Variants in MACF1 observed in about 807,000 individuals in gnomAD.
The protein encoded by MACF1 is microtubule-actin cross-linking factor 1.
A neutral mutation model predicts 854.8 loss-of-function variants in MACF1; 193 were observed. The ratio of observed to expected loss-of-function variants is 0.23; its 90% confidence interval spans 0.20 to 0.25. The LOEUF is 0.25. Ranked by LOEUF, MACF1 falls within the 10% of genes least tolerant of loss-of-function variation. The pLI, the probability that MACF1 is intolerant of heterozygous loss-of-function variation, is 1.00. For synonymous variants in MACF1, 3,185 were observed against 3,226.7 expected (o/e 0.99, Z 0.44); for missense variants, 7,722 against 8,929.1 (o/e 0.86, Z 5.45).
In MACF1 at chr1:39,335,856, T is replaced by C; in HGVS notation, c.9268T>C (p.Ser3090Pro). The C allele has an allele frequency of 6.2e-7, 1 of 1,614,046 alleles. No individual in the cohort carries two copies. Among genetic ancestry groups the C allele is most frequent in the Non-Finnish European group, 8.5e-7 (1 of 1,180,004 alleles). ...CLTLKPEENL[S>P]REIACGAQSE... The stretch of plus-strand genomic sequence containing the variant: ...GACTTTAAAACCAGAAGAAAACTTA[T>C]CTCGAGAAATTGCCTGTGGGGCCCA... Residue 3090 changes from serine to proline, a missense_variant, in exon 37 of 101, where the codon TCT becomes CCT. Ser to Pro is a moderately conservative substitution (Grantham distance 74, BLOSUM62 -1). Coordinates refer to ENST00000564288, the MANE Select transcript of MACF1 (RefSeq NM_001394062.1).
At chr1:39,235,823 C>T (rs1224781508) in intron 2 of MACF1, among the ~76,000 whole-genome samples, 1 of 152,200 alleles carries the variant, frequency 6.6e-6, no homozygotes. Flanking sequence ...CAGCCTCCAA[C>T]TCCCGGGCTC....
chr1:39,174,822 A>G (rs1644003321), intron 2 of MACF1, among the ~76,000 whole-genome samples: 2 of 152,232 alleles, frequency 1.3e-5, no homozygotes, highest in African/African-American at 2.4e-5. Flanking sequence ...TAGTAGGAAA[A>G]GGGGAAACCC....
Position 39,460,708 on chromosome 1 carries a change from G to A in MACF1, c.21437G>A (p.Arg7146Gln). The stretch of plus-strand genomic sequence containing the variant: ...CGTTGGATGAATCACAAAAAGTCTC[G>A]AGTGATGGATTTCTTCCGGCGCATT... The part of the protein sequence containing the change: ...YMRWMNHKKS[R>Q]VMDFFRRIDK... The change falls in exon 92 of 101, where the codon CGA becomes CAA. Residue 7146 changes from arginine to glutamine, a missense_variant. This residue lies in a region of MACF1 where 153 missense variants were observed against 342.5 expected (regional missense o/e 0.45). Transcript: ENST00000564288. This position sits in a 1 kb window ranked among gnomAD's most constrained non-coding sequence, Gnocchi z 4.1. 2 of 1,614,140 alleles carry A rather than the reference G, an allele frequency of 1.2e-6. No individual in the cohort carries two copies. Among genetic ancestry groups the A allele is most frequent in the Non-Finnish European group, 1.7e-6 (2 of 1,180,020 alleles).
At chr1:39,358,984 C>A in intron 46 of MACF1, 111 bp downstream of exon 46, 1 of 1,429,018 alleles carries the variant, frequency 7.0e-7, no homozygotes, top group Non-Finnish European at 9.5e-7. Context: ...GGTTGGGATG[C>A]CTTGGACAAG....
intron 40 of MACF1, 57 bp downstream of exon 40, chr1:39,341,010 T>G: frequency 1.4e-6 from 2 of 1,418,426 alleles, no homozygotes; most frequent in Non-Finnish European, 1.9e-6. Flanking sequence ...ATTTCCCTGC[T>G]AGGCAAACCA....
chr1:39,354,481 C>T (rs962533784), intron 44 of MACF1, among the ~76,000 whole-genome samples: 1 of 152,038 alleles, frequency 6.6e-6, no homozygotes, highest in Non-Finnish European at 1.5e-5. Context: ...CCCAGCTCAC[C>T]GCAACCTCCA....
chr1:39,457,242 T>G (rs1023071706), intron 89 of MACF1: 1 of 151,630 alleles, frequency 6.6e-6, no homozygotes, highest in Non-Finnish European at 1.5e-5. Flanking sequence ...CCATTCCAGA[T>G]CTGCCCCCCC....
At chr1:39,102,892 A>G (rs1642129245) in intron 2 of MACF1, 1 of 702,368 alleles carries the variant, frequency 1.4e-6, no homozygotes, top group African/African-American at 1.7e-5. Context: ...TCCCCTTCAT[A>G]GACTTCCTTC....
At chr1:39,411,684 G>A (rs1643013373) in intron 58 of MACF1, 3 of 1,613,752 alleles carry the variant, frequency 1.9e-6, no homozygotes, top group African/African-American at 1.3e-5. Context: ...TTGAAAAGGA[G>A]TGTTTATGTG....
At position 39,171,421 on chromosome 1, in the gene MACF1, A is replaced by T. The variant is rs962117612; in HGVS notation, c.221-59761A>T. On this transcript the variant is annotated intron_variant, in intron 2 of 93. Coordinates refer to the MACF1 transcript ENST00000361689. ...CCAAATGGAAATCCCATATCCATTA[A>T]GCAGTAATTCCCCTTCTCCCCAACC... 2.4e-4 allele frequency among the ~76,000 whole-genome samples: 37 copies of T among 152,200 alleles called. 1 individual carries two copies. The highest frequency in any genetic ancestry group is 6.5e-5 in the Admixed American group (1 of 15,278).
In MACF1 at chr1:39,326,700, A is replaced by AAG. The variant is rs1553257469; in HGVS notation, c.4479-512_4479-511dup. 3.8e-3 allele frequency among the ~76,000 whole-genome samples: 578 copies of AAG among 150,250 alleles called. 5 individuals are homozygous for AAG. Among genetic ancestry groups the AAG allele is most frequent in the African/African-American group, 0.013 (535 of 40,718 alleles). On this transcript the variant is annotated intron_variant, in intron 35 of 100. Coordinates refer to ENST00000564288, the MANE Select transcript of MACF1 (RefSeq NM_001394062.1). ...CATCTCAAAAAAAAAAAAAAAAAAAAAGAGAGAAGAAAAAGAAAAGGCCCT... is the reference window on the plus strand; with the variant it reads ...CATCTCAAAAAAAAAAAAAAAAAAAAAGAGAGAGAAGAAAAAGAAAAGGCCCT...
At chr1:39,439,993 A>G (rs140759203) in intron 72 of MACF1, among the ~76,000 whole-genome samples, 6 of 145,136 alleles carry the variant, frequency 4.1e-5, no homozygotes, top group Non-Finnish European at 7.7e-5. Context: ...AATAGATGGT[A>G]GAAAATAAAA....
At position 39,342,550 on chromosome 1, in the gene MACF1, TTTG is replaced by T. The variant is rs796898695; in HGVS notation, c.10581+1599_10581+1601del. Among the ~76,000 whole-genome samples, 1,439 of 149,264 alleles carry T rather than the reference TTTG, an allele frequency of 9.6e-3. 34 individuals are homozygous for T. The highest frequency in any genetic ancestry group is 0.033 in the African/African-American group (1,355 of 40,594). ...GGGTTGGCAAACTTTTTTTTTTTTT[TTTG>T]TGTGACAGAGTCTCTCTCTGTCACC... On this transcript the variant is annotated intron_variant, in intron 40 of 100. Transcript: ENST00000564288.
rs536720688 is a variant in MACF1, at chr1:39,339,334, T to A, written c.10216-1168T>A. ...AGAAACAACAACAACAAAAATAGAT[T>A]GAAAAAGTCTAACTGGAGATCTCTG... On this transcript the variant is annotated intron_variant, in intron 38 of 100. Coordinates refer to ENST00000564288, the MANE Select transcript of MACF1 (RefSeq NM_001394062.1). Among the ~76,000 whole-genome samples the A allele has an allele frequency of 2.0e-5, 3 of 152,210 alleles. No individual in the cohort carries two copies. The East Asian group carries it at 5.8e-4, about 29-fold the overall frequency.
chr1:39,380,111 C>T, intron 54 of MACF1, 133 bp from the exon 55 acceptor site: 2 of 820,190 alleles, frequency 2.4e-6, no homozygotes, highest in Non-Finnish European at 3.9e-6. Context: ...TATCTTAACA[C>T]CACTAAACAA....
At chr1:39,463,276 C>T (rs1269111099) in intron 93 of MACF1, among the ~76,000 whole-genome samples, 2 of 152,026 alleles carry the variant, frequency 1.3e-5, no homozygotes, top group East Asian at 1.9e-4. Context: ...CACCTGAGGT[C>T]GGGAGTTCAA....
intron 58 of MACF1, among the ~76,000 whole-genome samples, chr1:39,421,236 C>T (rs1274442848): frequency 6.6e-6 from 1 of 152,204 alleles, no homozygotes; most frequent in African/African-American, 2.4e-5. Context: ...ATGTCTAAAT[C>T]GTAATGGAGC....
intron 1 of MACF1, among the ~76,000 whole-genome samples, chr1:39,224,458 C>G (rs1300619022): frequency 6.6e-6 from 1 of 152,152 alleles, no homozygotes; most frequent in Non-Finnish European, 1.5e-5. Flanking sequence ...GGAATGATCA[C>G]CAGTGTCTTC....
chr1:39,227,812 C>T (rs1644733338), intron 1 of MACF1, among the ~76,000 whole-genome samples: 2 of 152,152 alleles, frequency 1.3e-5, no homozygotes, highest in African/African-American at 2.4e-5. Flanking sequence ...TTTGCATTAG[C>T]TATAACTTTA....
Sources: gnomAD v4.1 joint callset for allele counts (sites outside exome capture counted in the v4.1 genomes callset) on GRCh38, gnomAD v4.1.1 for gene constraint, gnomAD v4.1.1 regional missense constraint, Gnocchi (gnomAD v3.1) non-coding constraint, MANE v1.5 for transcripts, NCBI Gene and HGNC (gene_info 2026-07-23, HGNC 2026-07-21) for gene names.